KCNT2: variants seen among roughly 807,000 people sequenced by gnomAD.
The protein encoded by KCNT2 is potassium channel subfamily T member 2.
KCNT2 carries 67 observed loss-of-function variants against 153.8 expected under a neutral mutation model. That is an observed-to-expected ratio of 0.44 (90% CI 0.36 to 0.53). KCNT2 has a LOEUF of 0.53. KCNT2 is among the 20% of genes least tolerant of loss of function. KCNT2 has a pLI of 0.00. For synonymous variants in KCNT2, 500 were observed against 458.8 expected, an observed-to-expected ratio of 1.09 and a Z score of -1.15; for missense variants, 975 against 1,354.8, an observed-to-expected ratio of 0.72 and a Z score of 4.40.
At chr1:196,524,866 C>G (rs146465107) in intron 1 of KCNT2, among the ~76,000 whole-genome samples, 1 of 152,174 alleles carries the variant, frequency 6.6e-6, no homozygotes, top group Non-Finnish European at 1.5e-5. Context: ...AAACTGTCTT[C>G]TAGCTTAAAA....
intron 1 of KCNT2, among the ~76,000 whole-genome samples, chr1:196,533,593 T>G (rs1319732009): frequency 6.6e-6 from 1 of 152,216 alleles, no homozygotes; most frequent in South Asian, 2.1e-4. Flanking sequence ...TTGAGGAAAT[T>G]TGACTAGCTT....
intron 12 of KCNT2, among the ~76,000 whole-genome samples, chr1:196,399,817 C>A (rs1435505291): frequency 6.6e-6 from 1 of 151,768 alleles, no homozygotes; most frequent in Non-Finnish European, 1.5e-5. Context: ...ATAAAAGACA[C>A]CTGAGAGAGA....
At chr1:196,574,494 A>G (rs1283082070) in intron 1 of KCNT2, among the ~76,000 whole-genome samples, 4 of 151,876 alleles carry the variant, frequency 2.6e-5, no homozygotes, top group Non-Finnish European at 2.9e-5. Context: ...CTTGGAATCC[A>G]GGTTTGCTCT....
chr1:196,298,605 T>C (rs1415994239), intron 22 of KCNT2, among the ~76,000 whole-genome samples: 3 of 151,958 alleles, frequency 2.0e-5, no homozygotes, highest in Non-Finnish European at 4.4e-5. Context: ...TCAGTTTTTA[T>C]TGAGGCTTCA....
At chr1:196,435,139 G>GCATA (rs1207127348) in intron 8 of KCNT2, among the ~76,000 whole-genome samples, 6 of 45,724 alleles carry the variant, frequency 1.3e-4, no homozygotes, top group Admixed American at 6.6e-4. Context: ...GTGTGTGTAT[G>GCATA]TATATATATA....
chr1:196,351,097 G>GT (rs1666646290), intron 14 of KCNT2, among the ~76,000 whole-genome samples: 2 of 152,236 alleles, frequency 1.3e-5, no homozygotes, highest in South Asian at 4.2e-4. Context: ...TGCTGCTTTG[G>GT]TTACTGTAGC....
At chr1:196,469,878 G>C (rs960385024) in intron 5 of KCNT2, among the ~76,000 whole-genome samples, 22 of 152,136 alleles carry the variant, frequency 1.4e-4, no homozygotes, top group Admixed American at 5.9e-4. Context: ...CTATGTATTA[G>C]AAAGGCAATT....
intron 1 of KCNT2, among the ~76,000 whole-genome samples, chr1:196,546,216 C>G (rs939149834): frequency 5.3e-5 from 8 of 152,056 alleles, no homozygotes; most frequent in Non-Finnish European, 1.2e-4. Context: ...TTCTTCTATT[C>G]TGTGAATTAT....
At chr1:196,437,025 CATAAATATATATCATAT>C (rs1413902664) in intron 8 of KCNT2, among the ~76,000 whole-genome samples, 1 of 105,092 alleles carries the variant, frequency 9.5e-6, no homozygotes, top group Non-Finnish European at 1.9e-5. Context: ...TATTTATATA[CATAAATATATATCATAT>C]ATAAATATAT....
chr1:196,289,835 AT>A (rs533648077), intron 22 of KCNT2, among the ~76,000 whole-genome samples: 3 of 152,174 alleles, frequency 2.0e-5, no homozygotes, highest in African/African-American at 4.8e-5. Context: ...TACTGATGAT[AT>A]TTTTTTCCTA....
intron 24 of KCNT2, 68 bp from the exon 25 acceptor site, chr1:196,281,056 T>C: frequency 8.0e-7 from 1 of 1,250,740 alleles, no homozygotes; most frequent in Non-Finnish European, 1.1e-6. Context: ...TAACTTTACA[T>C]TTCTTTATTT....
At chr1:196,402,886 A>G (rs1210546700) in intron 12 of KCNT2, among the ~76,000 whole-genome samples, 2 of 151,678 alleles carry the variant, frequency 1.3e-5, no homozygotes, top group African/African-American at 4.8e-5. Context: ...ACTTTTCATA[A>G]TAGCTAAAAT....
chr1:196,332,255 C>G (rs529255903), intron 17 of KCNT2, among the ~76,000 whole-genome samples: 4 of 152,044 alleles, frequency 2.6e-5, no homozygotes, highest in African/African-American at 9.7e-5. Flanking sequence ...ACATCTCTTT[C>G]GTTTTTCTAG....
At chr1:196,507,462 T>C (rs998964436) in intron 1 of KCNT2, among the ~76,000 whole-genome samples, 1 of 152,168 alleles carries the variant, frequency 6.6e-6, no homozygotes, top group Non-Finnish European at 1.5e-5. Context: ...TTTAAAAAGA[T>C]AATTTCAAAG....
intron 8 of KCNT2, among the ~76,000 whole-genome samples, chr1:196,462,556 C>T (rs932447379): frequency 1.3e-5 from 2 of 151,204 alleles, no homozygotes; most frequent in Non-Finnish European, 3.0e-5. Context: ...TGTGGACTCA[C>T]ATGAGAATTT....
At chr1:196,442,828 C>T (rs75267120) in intron 8 of KCNT2, among the ~76,000 whole-genome samples, 21 of 151,738 alleles carry the variant, frequency 1.4e-4, no homozygotes, top group African/African-American at 4.3e-4. Context: ...CAACAAGACA[C>T]GTGGAATATT....
At chr1:196,606,135 G>A (rs1041156583) in intron 1 of KCNT2, among the ~76,000 whole-genome samples, 2 of 152,180 alleles carry the variant, frequency 1.3e-5, no homozygotes, top group African/African-American at 4.8e-5. Context: ...CCAACTAAAT[G>A]TTAGTTCTGC....
intron 26 of KCNT2, among the ~76,000 whole-genome samples, chr1:196,255,060 C>G (rs917962163): frequency 6.6e-6 from 1 of 151,448 alleles, no homozygotes; most frequent in Non-Finnish European, 1.5e-5. Flanking sequence ...ATATATACTA[C>G]TAGAAATACC....
chr1:196,540,744 A>G (rs1656242607), intron 1 of KCNT2, among the ~76,000 whole-genome samples: 1 of 152,100 alleles, frequency 6.6e-6, no homozygotes. Context: ...TCTCTTTCTC[A>G]TTATTTCAGC....
Sources: allele counts gnomAD v4.1 joint callset (sites outside exome capture counted in the v4.1 genomes callset), GRCh38; gene constraint gnomAD v4.1.1; transcripts MANE v1.5; gene names NCBI Gene and HGNC (gene_info 2026-07-23, HGNC 2026-07-21).